The following KIF26B variants were observed in gnomAD, a reference collection of about 807,000 sequenced individuals.
KIF26B encodes the protein kinesin family member 26B, also known as kinesin-like protein KIF26B.
Under a neutral mutation model 151.2 loss-of-function variants are expected in KIF26B, and 63 were observed. The ratio of observed to expected loss-of-function variants is 0.42; its 90% CI spans 0.34 to 0.51. KIF26B has a LOEUF of 0.51. KIF26B is among the 20% of genes least tolerant of loss of function. KIF26B has a pLI of 0.07. For synonymous variants in KIF26B, 1,357 were observed against 1,262.1 expected (o/e 1.08, Z -1.59); for missense variants, 2,813 against 2,913.6 (o/e 0.97, Z 0.79).
Position 245,185,287 on chromosome 1 carries a change from C to T in KIF26B, c.465+28604C>T, listed in dbSNP as rs199967978. On this transcript the variant is annotated intron_variant, in intron 2 of 14. Coordinates refer to ENST00000407071, the MANE Select transcript of KIF26B (RefSeq NM_018012.4). The stretch of plus-strand genomic sequence containing the variant: ...CCGGGTAGCTGGGATTACAGGCACC[C>T]GCCACCACACCTGGCTAGTTTTTGT... 2.0e-5 allele frequency among the ~76,000 whole-genome samples: 3 copies of T among 152,022 alleles called. No individual in the cohort carries two copies. The South Asian group carries it at 6.2e-4, about 32-fold the overall frequency.
At chr1:245,519,312 G>C (rs1286693160) in intron 4 of KIF26B, among the ~76,000 whole-genome samples, 1 of 152,174 alleles carries the variant, frequency 6.6e-6, no homozygotes, top group Non-Finnish European at 1.5e-5. Flanking sequence ...TCAGCACTTT[G>C]GGAGGCTGAG....
intron 2 of KIF26B, among the ~76,000 whole-genome samples, chr1:245,356,021 G>A (rs928119973): frequency 6.6e-6 from 1 of 152,080 alleles, no homozygotes; most frequent in Non-Finnish European, 1.5e-5. Context: ...TCCAGAGCCC[G>A]GCTCCCCAGA....
At chr1:245,586,199 T>TGTGTGTGTG (rs1440046570) in intron 5 of KIF26B, among the ~76,000 whole-genome samples, 19 of 118,784 alleles carry the variant, frequency 1.6e-4, no homozygotes, top group African/African-American at 6.5e-4. Context: ...GTGTGTGTGT[T>TGTGTGTGTG]TGTTTTAATA....
chr1:245,209,968 G>A (rs988661999), intron 2 of KIF26B, among the ~76,000 whole-genome samples: 8 of 152,248 alleles, frequency 5.3e-5, no homozygotes, highest in African/African-American at 1.9e-4. Context: ...CTGTTAACCT[G>A]TGGGGGTCAG....
At chr1:245,231,110 AAG>A (rs909331224) in intron 2 of KIF26B, among the ~76,000 whole-genome samples, 1 of 152,192 alleles carries the variant, frequency 6.6e-6, no homozygotes, top group African/African-American at 2.4e-5. Context: ...AAATGAGATA[AAG>A]AGAGGTGAAA....
At chr1:245,473,909 T>TA (rs1196348144) in intron 4 of KIF26B, among the ~76,000 whole-genome samples, 1 of 151,760 alleles carries the variant, frequency 6.6e-6, no homozygotes, top group Non-Finnish European at 1.5e-5. Flanking sequence ...TAGAGGTACA[T>TA]ATTTTGGGGG....
intron 5 of KIF26B, among the ~76,000 whole-genome samples, chr1:245,586,904 AAAAAACATC>A (rs1207968914): frequency 1.3e-5 from 2 of 151,724 alleles, no homozygotes. Flanking sequence ...AAAAAAAAAA[AAAAAACATC>A]AAACAATACT....
intron 2 of KIF26B, among the ~76,000 whole-genome samples, chr1:245,348,904 C>G (rs1672511133): frequency 6.6e-6 from 1 of 152,210 alleles, no homozygotes; most frequent in Non-Finnish European, 1.5e-5. Flanking sequence ...GCCTTCCGGT[C>G]TCTGCTCCAG....
intron 2 of KIF26B, among the ~76,000 whole-genome samples, chr1:245,361,804 C>T (rs1202847980): frequency 1.3e-5 from 2 of 152,172 alleles, no homozygotes; most frequent in Admixed American, 6.5e-5. Flanking sequence ...CTTCTTTTCC[C>T]GTCTTTCCAG....
chr1:245,577,521 G>T (rs1327182912), intron 5 of KIF26B, among the ~76,000 whole-genome samples: 2 of 152,238 alleles, frequency 1.3e-5, no homozygotes, highest in Non-Finnish European at 2.9e-5. Context: ...GAAGAGCTTT[G>T]TGGAACTCTG....
chr1:245,674,111 A>G (rs940576208), intron 10 of KIF26B, among the ~76,000 whole-genome samples: 67 of 152,224 alleles, frequency 4.4e-4, no homozygotes, highest in African/African-American at 1.5e-3. Flanking sequence ...AAATAGTACA[A>G]TGAGCTCATC....
At chr1:245,600,484 C>G (rs1201064876) in intron 5 of KIF26B, among the ~76,000 whole-genome samples, 1 of 151,634 alleles carries the variant, frequency 6.6e-6, no homozygotes, top group East Asian at 2.0e-4. Context: ...TAGGTGTGCA[C>G]CATCACACCT....
chr1:245,672,084 G>A lies in KIF26B; in HGVS notation c.2259-12149G>A, dbSNP rs183834653. 2.4e-3 allele frequency among the ~76,000 whole-genome samples: 371 copies of A among 152,226 alleles called. 1 individual carries two copies. Among genetic ancestry groups the A allele is most frequent in the Middle Eastern group, 6.8e-3 (2 of 294 alleles). On this transcript the variant is annotated intron_variant, in intron 10 of 14. Transcript: ENST00000407071. Reference sequence around the variant, plus strand: ...TCAATGAAGTAACACACACAGCCACGGTCATGCCAGTCTGAGCCCATCGGG... The same window carrying A: ...TCAATGAAGTAACACACACAGCCACAGTCATGCCAGTCTGAGCCCATCGGG...
In KIF26B at chr1:245,701,582, AG is replaced by A. The variant is rs149961158; in HGVS notation, c.6179-875del. Among the ~76,000 whole-genome samples the A allele has an allele frequency of 4.9e-3, 740 of 152,286 alleles. 11 individuals carry two copies. In the East Asian group the frequency reaches 0.056, roughly 12 times the overall value. ...GCAGACAGCGGCCACTCTAAGCCCCAGTGTTTCCATAGCACGGCATCGTTTT... is the reference window on the plus strand; with the variant it reads ...GCAGACAGCGGCCACTCTAAGCCCCATGTTTCCATAGCACGGCATCGTTTT... On this transcript the variant is annotated intron_variant, in intron 14 of 14. Coordinates refer to ENST00000407071, the MANE Select transcript of KIF26B (RefSeq NM_018012.4).
At chr1:245,315,891 A>G (rs938563535) in intron 2 of KIF26B, among the ~76,000 whole-genome samples, 6 of 152,106 alleles carry the variant, frequency 3.9e-5, no homozygotes, top group Non-Finnish European at 7.4e-5. Flanking sequence ...AGAGTAAAAA[A>G]TGGTTCAAAT....
chr1:245,433,606 T>C (rs1461540402), intron 4 of KIF26B, among the ~76,000 whole-genome samples: 1 of 152,198 alleles, frequency 6.6e-6, no homozygotes, highest in African/African-American at 2.4e-5. Context: ...GAAGGATAAA[T>C]GGCATATTTT....
chr1:245,565,276 T>A (rs563172299), intron 5 of KIF26B, among the ~76,000 whole-genome samples: 314 of 148,294 alleles, frequency 2.1e-3, no homozygotes, highest in African/African-American at 7.7e-3. Flanking sequence ...ATTCTGTTGT[T>A]TTTTTTGGGT....
chr1:245,590,787 C>T (rs191034212), intron 5 of KIF26B, among the ~76,000 whole-genome samples: 1 of 151,824 alleles, frequency 6.6e-6, no homozygotes, highest in East Asian at 1.9e-4. Flanking sequence ...ATGTGTGCGT[C>T]ATCCTAGCTA....
At position 245,418,190 on chromosome 1, in the gene KIF26B, C is replaced by A. The variant is rs1009692462; in HGVS notation, c.1000-1389C>A. 6.6e-5 allele frequency among the ~76,000 whole-genome samples: 10 copies of A among 152,248 alleles called. No homozygotes were observed. The East Asian group carries it at 1.9e-3, about 29-fold the overall frequency. On this transcript the variant is annotated intron_variant, in intron 3 of 14. Transcript: ENST00000407071. ...ACAATAGCAGCCAGTGGACGGGAGCCCGCACCACACAGCAGCAAAGGAAGC... is the reference window on the plus strand; with the variant it reads ...ACAATAGCAGCCAGTGGACGGGAGCACGCACCACACAGCAGCAAAGGAAGC...
Sources: allele counts gnomAD v4.1 joint callset (sites outside exome capture counted in the v4.1 genomes callset), GRCh38; gene constraint gnomAD v4.1.1; transcripts MANE v1.5; gene names NCBI Gene and HGNC (gene_info 2026-07-23, HGNC 2026-07-21).